The following PBX1 variants were observed in gnomAD, a reference collection of about 807,000 sequenced individuals.
PBX1 encodes the protein pre-B-cell leukemia transcription factor 1.
Under a neutral mutation model 53.4 loss-of-function variants are expected in PBX1, and 6 were observed. The observed-to-expected ratio is 0.11, with a 90% CI of 0.06 to 0.22. The LOEUF (loss-of-function observed/expected upper bound fraction) is 0.22. PBX1 is among the 10% of genes least tolerant of loss of function. The pLI is 1.00. For synonymous variants in PBX1, 204 were observed against 212.3 expected (o/e 0.96, Z 0.34); for missense variants, 251 against 551.4 (o/e 0.46, Z 5.46).
At chr1:164,590,292 G>A in intron 2 of PBX1, 1 of 453,862 alleles carries the variant, frequency 2.2e-6, no homozygotes, top group South Asian at 1.6e-5. Flanking sequence ...GGAGCCAAAA[G>A]GGGAACACTT....
At chr1:164,775,397 C>T (rs929180862) in intron 2 of PBX1, among the ~76,000 whole-genome samples, 2 of 152,070 alleles carry the variant, frequency 1.3e-5, no homozygotes, top group African/African-American at 2.4e-5. Context: ...GTGGTGAAAT[C>T]AACAGCCACA....
At chr1:164,700,317 G>A (rs1487173408) in intron 2 of PBX1, 1 of 299,408 alleles carries the variant, frequency 3.3e-6, no homozygotes, top group Non-Finnish European at 4.9e-6. Context: ...CGGGACTCCC[G>A]TGGCTGTGTG....
At chr1:164,693,512 T>G (rs1272162778) in intron 2 of PBX1, among the ~76,000 whole-genome samples, 1 of 152,154 alleles carries the variant, frequency 6.6e-6, no homozygotes, top group Non-Finnish European at 1.5e-5. Context: ...TTTATACTGC[T>G]TCAGTTGCTT....
intron 2 of PBX1, among the ~76,000 whole-genome samples, chr1:164,722,431 A>G (rs1250013812): frequency 6.6e-6 from 1 of 152,192 alleles, no homozygotes; most frequent in Non-Finnish European, 1.5e-5. Context: ...AAGCAGCTAA[A>G]TGGAATGTCT....
At chr1:164,639,170 A>G (rs1445522096) in intron 2 of PBX1, among the ~76,000 whole-genome samples, 1 of 152,214 alleles carries the variant, frequency 6.6e-6, no homozygotes, top group African/African-American at 2.4e-5. Context: ...AAGAGGCGCT[A>G]GTTCTTTTTG....
intron 2 of PBX1, among the ~76,000 whole-genome samples, chr1:164,597,290 A>G (rs1571300644): frequency 1.3e-5 from 2 of 152,198 alleles, no homozygotes; most frequent in East Asian, 1.9e-4. Context: ...TAAGAAGACT[A>G]TCTTCCCTGT....
At chr1:164,815,305 A>G (rs1407809810) in intron 6 of PBX1, 1 of 152,266 alleles carries the variant, frequency 6.6e-6, no homozygotes, top group Non-Finnish European at 1.5e-5. Flanking sequence ...CGTTGAAATT[A>G]TATCACATTC....
At chr1:164,772,228 A>G (rs1358196215) in intron 2 of PBX1, among the ~76,000 whole-genome samples, 1 of 152,226 alleles carries the variant, frequency 6.6e-6, no homozygotes, top group Non-Finnish European at 1.5e-5. Context: ...TTACTACACC[A>G]AAATTCTTTG....
chr1:164,559,792 G>T lies in PBX1; in HGVS notation c.-31G>T. The stretch of plus-strand genomic sequence containing the variant: ...GGAGCCGAGCCGAGGAGCAGAAGAG[G>T]AAGAGCCGGGGGCTGCCGTAGCCTT... On this transcript the variant is annotated 5_prime_UTR_variant, in exon 1 of 9. Coordinates refer to ENST00000420696, the MANE Select transcript of PBX1 (RefSeq NM_002585.4). 1.3e-6 allele frequency: 2 copies of T among 1,517,634 alleles called. No individual in the cohort carries two copies. The highest frequency in any genetic ancestry group is 1.8e-6 in the Non-Finnish European group (2 of 1,129,358). The allele number at this position is 1,517,634 out of a possible 1,614,324, so 94.0% of individuals were successfully genotyped here.
At chr1:164,731,401 G>A (rs1664974841) in intron 2 of PBX1, among the ~76,000 whole-genome samples, 1 of 151,600 alleles carries the variant, frequency 6.6e-6, no homozygotes, top group Non-Finnish European at 1.5e-5. Flanking sequence ...TTGTTTGTTA[G>A]AAGGGAGCGG....
intron 2 of PBX1, among the ~76,000 whole-genome samples, chr1:164,786,999 G>A (rs1044900654): frequency 1.3e-5 from 2 of 152,118 alleles, no homozygotes; most frequent in East Asian, 1.9e-4. Flanking sequence ...CAAATAAAAG[G>A]TATAACTCTG....
intron 2 of PBX1, among the ~76,000 whole-genome samples, chr1:164,637,402 A>G (rs1658845880): frequency 6.6e-6 from 1 of 152,218 alleles, no homozygotes; most frequent in Admixed American, 6.5e-5. Context: ...GCGTGAAAGC[A>G]GCGGGGCTGG....
chr1:164,746,579 A>G (rs1365053774), intron 2 of PBX1, among the ~76,000 whole-genome samples: 1 of 151,778 alleles, frequency 6.6e-6, no homozygotes, highest in Non-Finnish European at 1.5e-5. Context: ...GTTTTACCAC[A>G]TTGGCCAGGC....
At chr1:164,819,470 C>G (rs1231261055) in intron 6 of PBX1, 1 of 152,168 alleles carries the variant, frequency 6.6e-6, no homozygotes, top group Non-Finnish European at 1.5e-5. Context: ...GTTCCTTGGG[C>G]TGTTGCCACC....
chr1:164,562,890 A>T (rs912298290), intron 1 of PBX1: 5 of 158,546 alleles, frequency 3.2e-5, no homozygotes, highest in African/African-American at 1.2e-4. Flanking sequence ...CTGTTAACCT[A>T]CACCTTTGGC....
At chr1:164,672,482 A>G (rs1661173050) in intron 2 of PBX1, among the ~76,000 whole-genome samples, 1 of 152,220 alleles carries the variant, frequency 6.6e-6, no homozygotes, top group African/African-American at 2.4e-5. Flanking sequence ...CAAGAGATCA[A>G]TAATTTAGGC....
chr1:164,870,218 TTTCC>T (rs1553255671), intron 2 of PBX1, among the ~76,000 whole-genome samples: 112 of 55,168 alleles, frequency 2.0e-3, no homozygotes, highest in South Asian at 7.8e-3. Flanking sequence ...CTTTTCTTTC[TTTCC>T]TTCCTTCCTT....
In PBX1 at chr1:164,822,970, G is replaced by A. The variant is rs139380942; in HGVS notation, c.1200+1344G>A. ...TAAGGATGTTGCAGAAGGAAGTCAG[G>A]CAGCAGATTTTGATTGTCTTGATGA... On this transcript the variant is annotated intron_variant, in intron 8 of 8. Coordinates refer to ENST00000420696, the MANE Select transcript of PBX1 (RefSeq NM_002585.4). Among the ~76,000 whole-genome samples, 91 of 152,226 alleles carry A rather than the reference G, an allele frequency of 6.0e-4. 1 individual carries two copies. The highest frequency in any genetic ancestry group is 2.1e-3 in the African/African-American group (88 of 41,544).
chr1:164,567,368 A>G (rs1015802342), intron 2 of PBX1, among the ~76,000 whole-genome samples: 1 of 152,136 alleles, frequency 6.6e-6, no homozygotes, highest in South Asian at 2.1e-4. Context: ...TCATTTTTGT[A>G]GAAGGTCATC....
Sources: allele counts gnomAD v4.1 joint callset (sites outside exome capture counted in the v4.1 genomes callset), GRCh38; gene constraint gnomAD v4.1.1; transcripts MANE v1.5; gene names NCBI Gene and HGNC (gene_info 2026-07-23, HGNC 2026-07-21).